Variants in DRC11 observed in about 807,000 individuals in gnomAD.
DRC11 encodes the protein dynein regulatory complex subunit 11, also known as IQ and AAA domain-containing protein 1.
the DRC11 span, among the ~76,000 whole-genome samples, chr2:236,345,771 G>A: frequency 1.3e-5 from 2 of 152,220 alleles, no homozygotes; most frequent in African/African-American, 4.8e-5. Flanking sequence ...TGCTTTGTGC[G>A]AAATTGTGAC....
the DRC11 span, among the ~76,000 whole-genome samples, chr2:236,367,378 T>C: frequency 0.18 from 26,552 of 150,466 alleles, 2,630 homozygotes; most frequent in Non-Finnish European, 0.23. The surrounding 1 kb of genome is among the most constrained non-coding windows in gnomAD (Gnocchi z 4.8). Context: ...AGAAGAGGAA[T>C]TAACTATTTC....
the DRC11 span, among the ~76,000 whole-genome samples, chr2:236,417,853 T>C: frequency 2.0e-5 from 3 of 152,264 alleles, no homozygotes; most frequent in Middle Eastern, 3.4e-3. Flanking sequence ...CCTGTGTTAG[T>C]TTGCTGAGGA....
At chr2:236,507,314 G>A in the DRC11 span, 5 of 1,612,096 alleles carry the variant, frequency 3.1e-6, no homozygotes, top group African/African-American at 2.7e-5. Context: ...AAGCTCTTCC[G>A]TTGCTCTCTG....
chr2:236,403,836 C>T, the DRC11 span, among the ~76,000 whole-genome samples: 1 of 152,072 alleles, frequency 6.6e-6, no homozygotes, highest in South Asian at 2.1e-4. Context: ...CTTGAGTCCT[C>T]CTGCCTCCCC....
At chr2:236,357,692 AATATCTGATATGTAAAT>A in the DRC11 span, among the ~76,000 whole-genome samples, 1 of 88,202 alleles carries the variant, frequency 1.1e-5, no homozygotes, top group African/African-American at 4.0e-5. Context: ...ACAATATGTA[AATATCTGATATGTAAAT>A]ATGTATTTAT....
At chr2:236,463,844 C>T in the DRC11 span, among the ~76,000 whole-genome samples, 5 of 152,210 alleles carry the variant, frequency 3.3e-5, no homozygotes, top group African/African-American at 1.2e-4. The surrounding 1 kb of genome is among the most constrained non-coding windows in gnomAD (Gnocchi z 5.0). Flanking sequence ...CACAAGGCTG[C>T]CATGAAAGTG....
chr2:236,351,552 G>A, the DRC11 span, among the ~76,000 whole-genome samples: 2 of 152,216 alleles, frequency 1.3e-5, no homozygotes, highest in Non-Finnish European at 2.9e-5. The surrounding 1 kb of genome is among the most constrained non-coding windows in gnomAD (Gnocchi z 7.3). Flanking sequence ...CCTGGAGGCT[G>A]TGGAAGTCCT....
At chr2:236,331,167 G>T in the DRC11 span, among the ~76,000 whole-genome samples, 4 of 152,280 alleles carry the variant, frequency 2.6e-5, no homozygotes, top group South Asian at 6.2e-4. The surrounding 1 kb of genome is among the most constrained non-coding windows in gnomAD (Gnocchi z 4.8). Context: ...ACACACCATG[G>T]TTTTCCTAAA....
At chr2:236,356,728 C>A in the DRC11 span, among the ~76,000 whole-genome samples, 6 of 151,886 alleles carry the variant, frequency 4.0e-5, no homozygotes, top group African/African-American at 1.5e-4. Flanking sequence ...GCCCTTCCCG[C>A]TCCGCTGTCC....
the DRC11 span, among the ~76,000 whole-genome samples, chr2:236,350,848 G>A: frequency 6.6e-6 from 1 of 152,202 alleles, no homozygotes; most frequent in Non-Finnish European, 1.5e-5. The surrounding 1 kb of genome is among the most constrained non-coding windows in gnomAD (Gnocchi z 5.2). Flanking sequence ...CCCTGGGGAA[G>A]CTGAGGGGCC....
At chr2:236,504,148 A>G in the DRC11 span, among the ~76,000 whole-genome samples, 1 of 148,272 alleles carries the variant, frequency 6.7e-6, no homozygotes, top group African/African-American at 2.5e-5. This position sits in a 1 kb window ranked among gnomAD's most constrained non-coding sequence, Gnocchi z 5.0. Flanking sequence ...CCTAATTTCC[A>G]TCTCTTTTTG....
the DRC11 span, among the ~76,000 whole-genome samples, chr2:236,416,721 T>A: frequency 0.016 from 1,034 of 63,750 alleles, 15 homozygotes; most frequent in South Asian, 0.025. Flanking sequence ...ATATATATAT[T>A]TATATATATA....
the DRC11 span, among the ~76,000 whole-genome samples, chr2:236,494,316 AT>A: frequency 1.3e-5 from 2 of 152,182 alleles, no homozygotes; most frequent in African/African-American, 4.8e-5. This position sits in a 1 kb window ranked among gnomAD's most constrained non-coding sequence, Gnocchi z 4.2. Context: ...AAATAGTCAC[AT>A]TTTTTTCTAG....
At chr2:236,317,158 T>C in the DRC11 span, among the ~76,000 whole-genome samples, 1 of 152,112 alleles carries the variant, frequency 6.6e-6, no homozygotes. The surrounding 1 kb of genome is among the most constrained non-coding windows in gnomAD (Gnocchi z 5.4). Context: ...TAGCCGGGCA[T>C]GGTGGTGCAC....
the DRC11 span, among the ~76,000 whole-genome samples, chr2:236,335,801 T>C: frequency 6.6e-6 from 1 of 151,994 alleles, no homozygotes; most frequent in Admixed American, 6.6e-5. This position sits in a 1 kb window ranked among gnomAD's most constrained non-coding sequence, Gnocchi z 5.6. Flanking sequence ...GAGACAGGGG[T>C]AGTCCTGCTA....
At chr2:236,429,418 AC>A in the DRC11 span, among the ~76,000 whole-genome samples, 31 of 152,222 alleles carry the variant, frequency 2.0e-4, no homozygotes, top group South Asian at 6.0e-3. This position sits in a 1 kb window ranked among gnomAD's most constrained non-coding sequence, Gnocchi z 5.9. Context: ...AGCTACAGGG[AC>A]CAGCTCTGGG....
the DRC11 span, among the ~76,000 whole-genome samples, chr2:236,320,051 A>G: frequency 1.3e-4 from 20 of 152,232 alleles, no homozygotes; most frequent in Non-Finnish European, 2.4e-4. Flanking sequence ...TCGGTGAAAG[A>G]TTTGTAGCAT....
chr2:236,482,081 T>TGTATAATTCTACATATTATAC, the DRC11 span, among the ~76,000 whole-genome samples: 3 of 97,628 alleles, frequency 3.1e-5, no homozygotes, highest in Non-Finnish European at 6.4e-5. The surrounding 1 kb of genome is among the most constrained non-coding windows in gnomAD (Gnocchi z 4.5). Flanking sequence ...ACATATTATA[T>TGTATAATTCTACATATTATAC]GTATAATTCT....
chr2:236,468,125 C>G, the DRC11 span, among the ~76,000 whole-genome samples: 1 of 152,142 alleles, frequency 6.6e-6, no homozygotes, highest in African/African-American at 2.4e-5. Context: ...GAGACAAGGT[C>G]TCACTCTGTC....
Sources: gnomAD v4.1 joint callset for allele counts (sites outside exome capture counted in the v4.1 genomes callset) on GRCh38, gnomAD v4.1.1 for gene constraint, Gnocchi (gnomAD v3.1) non-coding constraint, MANE v1.5 for transcripts, NCBI Gene and HGNC (gene_info 2026-07-23, HGNC 2026-07-21) for gene names.